The following UNC5B variants were observed in gnomAD, a reference collection of about 807,000 sequenced individuals.
The protein encoded by UNC5B is netrin receptor UNC5B.
UNC5B carries 56 observed loss-of-function variants against 103.7 expected under a neutral mutation model. The ratio of observed to expected loss-of-function variants is 0.54; its 90% CI spans 0.44 to 0.67. UNC5B has a LOEUF of 0.67. Ranked by LOEUF, UNC5B falls within the 30% of genes least tolerant of loss-of-function variation. UNC5B has a pLI of 0.00. For missense variants in UNC5B, 1,194 were observed against 1,284.5 expected (o/e 0.93, Z 1.08); for synonymous variants, 577 against 542.0 (o/e 1.06, Z -0.90).
intron 1 of UNC5B, among the ~76,000 whole-genome samples, chr10:71,278,196 C>A (rs1844818123): frequency 6.6e-6 from 1 of 152,204 alleles, no homozygotes; most frequent in African/African-American, 2.4e-5. Context: ...TAAATTCCTG[C>A]AAACATAGCA....
At chr10:71,224,415 A>ACACACACACACACACG (rs1354437814) in intron 1 of UNC5B, among the ~76,000 whole-genome samples, 10 of 149,452 alleles carry the variant, frequency 6.7e-5, no homozygotes, top group African/African-American at 2.2e-4. Flanking sequence ...ACACACACAC[A>ACACACACACACACACG]CGAAATGACA....
intron 1 of UNC5B, among the ~76,000 whole-genome samples, chr10:71,258,893 C>T (rs370152058): frequency 6.6e-6 from 1 of 152,254 alleles, no homozygotes; most frequent in African/African-American, 2.4e-5. Flanking sequence ...TTGTCCTCCC[C>T]GCCCAGTGGC....
chr10:71,260,624 A>G (rs1844395968), intron 1 of UNC5B, among the ~76,000 whole-genome samples: 1 of 152,236 alleles, frequency 6.6e-6, no homozygotes, highest in Non-Finnish European at 1.5e-5. Flanking sequence ...CTGTGCTCCC[A>G]GAAGCTGTTC....
intron 1 of UNC5B, among the ~76,000 whole-genome samples, chr10:71,221,324 TC>T (rs553183293): frequency 1.5e-4 from 23 of 151,658 alleles, no homozygotes; most frequent in Non-Finnish European, 2.5e-4. Flanking sequence ...GGGCCTGTGG[TC>T]CCCCCCCTTG....
intron 8 of UNC5B, among the ~76,000 whole-genome samples, chr10:71,290,394 C>T (rs1197280313): frequency 1.3e-5 from 2 of 152,202 alleles, no homozygotes; most frequent in Non-Finnish European, 2.9e-5. Context: ...GCATCTCATT[C>T]CACTTCTTCA....
intron 1 of UNC5B, among the ~76,000 whole-genome samples, chr10:71,224,593 C>T (rs1423219143): frequency 1.3e-5 from 2 of 152,182 alleles, no homozygotes; most frequent in Non-Finnish European, 2.9e-5. Flanking sequence ...AGAGGTTCTG[C>T]CCTGGAATCA....
In UNC5B at chr10:71,299,174, C is replaced by T. The variant is rs1354749954; in HGVS notation, c.2735C>T (p.Ala912Val). The T allele has an allele frequency of 6.2e-7, 1 of 1,614,246 alleles. No homozygotes were observed. The highest frequency in any genetic ancestry group is 2.2e-5 in the East Asian group (1 of 44,886). ...PTGVILDLWE[A>V]LQQDDGDLNS... is the part of the protein sequence containing the mutation. ...GGTGTGATCCTGGACCTCTGGGAAGCTCTGCAGCAGGACGATGGGGACCTC... is the reference window on the plus strand; with the variant it reads ...GGTGTGATCCTGGACCTCTGGGAAGTTCTGCAGCAGGACGATGGGGACCTC... Residue 912 changes from alanine (A) to valine (V), a missense_variant, in exon 17 of 17, where the codon GCT becomes GTT. Transcript: ENST00000335350.
intron 1 of UNC5B, among the ~76,000 whole-genome samples, chr10:71,241,604 C>G (rs10999743): frequency 1.3e-5 from 2 of 151,686 alleles, no homozygotes; most frequent in African/African-American, 2.4e-5. Flanking sequence ...CCCTGGGAGG[C>G]TGAGCTGTAC....
At chr10:71,220,926 A>G (rs1183258689) in intron 1 of UNC5B, among the ~76,000 whole-genome samples, 1 of 152,088 alleles carries the variant, frequency 6.6e-6, no homozygotes, top group African/African-American at 2.4e-5. Context: ...CTGGGTTCTG[A>G]TTGTTTGGTT....
At chr10:71,273,284 T>C (rs939106256) in intron 1 of UNC5B, among the ~76,000 whole-genome samples, 1 of 152,246 alleles carries the variant, frequency 6.6e-6, no homozygotes, top group Non-Finnish European at 1.5e-5. Context: ...TGCTAGTCAC[T>C]TCTTTATAGA....
intron 13 of UNC5B, among the ~76,000 whole-genome samples, chr10:71,295,248 G>A (rs1845376776): frequency 6.6e-6 from 1 of 152,208 alleles, no homozygotes; most frequent in Admixed American, 6.5e-5. Flanking sequence ...CTGGGGCGTT[G>A]GCTAATGGCC....
At chr10:71,217,518 T>A (rs1843356635) in intron 1 of UNC5B, 1 of 152,214 alleles carries the variant, frequency 6.6e-6, no homozygotes, top group Non-Finnish European at 1.5e-5. Context: ...TGGGTGGCGC[T>A]TGATTGGAAC....
In UNC5B at chr10:71,284,877, A is replaced by ACCGCCACCCTGG. The variant is rs759700656; in HGVS notation, c.448+16_448+17insGCCACCCTGGCC. ...TCCGCATCGCCTGTACGCCACCCTGACCCCCACCCTGTCCCTGCAGGAACC... is the reference window on the plus strand; with the variant it reads ...TCCGCATCGCCTGTACGCCACCCTGACCGCCACCCTGGCCCCCACCCTGTCCCTGCAGGAACC... On this transcript the variant is annotated intron_variant, in intron 3 of 16. Coordinates refer to ENST00000335350, the MANE Select transcript of UNC5B (RefSeq NM_170744.5). 4.4e-6 allele frequency: 7 copies of ACCGCCACCCTGG among 1,578,556 alleles called. No individual in the cohort carries two copies. The highest frequency in any genetic ancestry group is 6.0e-6 in the Non-Finnish European group (7 of 1,163,168).
chr10:71,302,516 T>A lies in UNC5B; in HGVS notation c.*3239T>A. On this transcript the variant is annotated 3_prime_UTR_variant, in exon 17 of 17. Coordinates refer to ENST00000335350, the MANE Select transcript of UNC5B (RefSeq NM_170744.5). ...CTCACAGTGCCCCCGGCTCCAGAGC[T>A]CAGGGGTAGGGGTTCTCCTGAGGGT... 6.6e-6 allele frequency: 1 copy of A among 152,436 alleles called. No homozygotes were observed. The highest frequency in any genetic ancestry group is 1.5e-5 in the Non-Finnish European group (1 of 68,174). 9.4% of individuals were successfully genotyped at this position (152,436 alleles called of 1,614,324 possible).
intron 1 of UNC5B, among the ~76,000 whole-genome samples, chr10:71,229,510 G>C (rs908478600): frequency 6.6e-6 from 1 of 152,176 alleles, no homozygotes; most frequent in Non-Finnish European, 1.5e-5. Flanking sequence ...GCCTGCTGAG[G>C]GTCTGACCTC....
intron 9 of UNC5B, 120 bp downstream of exon 9, chr10:71,291,229 T>C: frequency 1.5e-6 from 2 of 1,355,700 alleles, no homozygotes; most frequent in East Asian, 2.3e-5. Context: ...GAGTTTGCTC[T>C]AGAGATAACT....
chr10:71,265,824 A>T (rs1005212786), intron 1 of UNC5B, among the ~76,000 whole-genome samples: 13 of 151,840 alleles, frequency 8.6e-5, no homozygotes, highest in African/African-American at 3.1e-4. Flanking sequence ...GTGAGGCACC[A>T]CCCCACCCCC....
chr10:71,252,258 G>C (rs144814496), intron 1 of UNC5B, among the ~76,000 whole-genome samples: 75 of 152,344 alleles, frequency 4.9e-4, no homozygotes, highest in African/African-American at 1.7e-3. Flanking sequence ...CTTTGGGCCT[G>C]AGCAGCAGGA....
At chr10:71,289,659 G>A (rs1246406312) in intron 8 of UNC5B, among the ~76,000 whole-genome samples, 1 of 152,232 alleles carries the variant, frequency 6.6e-6, no homozygotes, top group African/African-American at 2.4e-5. Flanking sequence ...GTCGGGCTGG[G>A]GATGATTCAA....
Sources: allele counts gnomAD v4.1 joint callset (sites outside exome capture counted in the v4.1 genomes callset), GRCh38; gene constraint gnomAD v4.1.1; transcripts MANE v1.5; gene names NCBI Gene and HGNC (gene_info 2026-07-23, HGNC 2026-07-21).